FAM219A: variants seen among roughly 807,000 people sequenced by gnomAD.
FAM219A encodes protein FAM219A.
Under a neutral mutation model 23.4 loss-of-function variants are expected in FAM219A, and 7 were observed. The observed-to-expected ratio is 0.30, with a 90% CI of 0.17 to 0.56. The LOEUF (loss-of-function observed/expected upper bound fraction) is 0.56. FAM219A is among the 20% of genes least tolerant of loss of function. The pLI, the probability that FAM219A is intolerant of heterozygous loss-of-function variation, is 0.92. For synonymous variants in FAM219A, 93 were observed against 99.0 expected (o/e 0.94, Z 0.36); for missense variants, 166 against 246.9 (o/e 0.67, Z 2.20).
In FAM219A at chr9:34,399,852, T is replaced by C. The variant is rs1821357133; in HGVS notation, c.*1112A>G. The C allele has an allele frequency of 6.6e-6, 1 of 152,326 alleles. No homozygotes were observed. Among genetic ancestry groups the C allele is most frequent in the Admixed American group, 6.5e-5 (1 of 15,278 alleles). 9.4% of individuals were successfully genotyped at this position (152,326 alleles called of 1,614,324 possible). On this transcript the variant is annotated 3_prime_UTR_variant, in exon 6 of 6. Coordinates refer to ENST00000651358, the MANE Select transcript of FAM219A (RefSeq NM_001184940.2). ...AGCCCATTGCACTGCTGAGCCGCCT[T>C]CTGCACTGTAAACAGACCACACAGG...
Position 34,458,035 on chromosome 9 carries a change from C to T in FAM219A, c.60+169G>A, listed in dbSNP as rs1823818259. Among the ~76,000 whole-genome samples, 1 of 152,238 alleles carries T rather than the reference C, an allele frequency of 6.6e-6. No homozygotes were observed. Among genetic ancestry groups the T allele is most frequent in the Non-Finnish European group, 1.5e-5 (1 of 68,030 alleles). ...CTTTGCTCTCATCCAGCATATTCTC[C>T]CACGGTTTTCTTGTCCTGCAAGTCC... On this transcript the variant is annotated intron_variant, in intron 1 of 5. Coordinates refer to ENST00000651358, the MANE Select transcript of FAM219A (RefSeq NM_001184940.2). This position sits in a 1 kb window ranked among gnomAD's most constrained non-coding sequence, Gnocchi z 6.6.
intron 2 of FAM219A, 77 bp downstream of exon 2, chr9:34,405,788 G>A (rs1821610261): frequency 7.2e-7 from 1 of 1,388,590 alleles, no homozygotes. Flanking sequence ...TGGTTTATTT[G>A]TGGCACCTCA....
chr9:34,400,919 C>G lies in FAM219A; in HGVS notation c.*45G>C. On this transcript the variant is annotated 3_prime_UTR_variant, in exon 6 of 6. Transcript: ENST00000651358. Reference sequence around the variant, plus strand: ...GGGGTCGGCCTCTGCCCGTCCTACCCGGCCCTTGGCGGCCCCGCCCCGGCG... The same window carrying G: ...GGGGTCGGCCTCTGCCCGTCCTACCGGGCCCTTGGCGGCCCCGCCCCGGCG... The G allele has an allele frequency of 6.7e-7, 1 of 1,487,580 alleles. No individual in the cohort carries two copies. The allele number at this position is 1,487,580 out of a possible 1,614,324, so 92.1% of individuals were successfully genotyped here.
At chr9:34,447,118 T>C (rs1241778502) in intron 1 of FAM219A, among the ~76,000 whole-genome samples, 2 of 152,240 alleles carry the variant, frequency 1.3e-5, no homozygotes, top group Non-Finnish European at 2.9e-5. Flanking sequence ...AAGAGTCACA[T>C]GACACACATG....
At chr9:34,437,978 A>C (rs1445879737) in intron 1 of FAM219A, among the ~76,000 whole-genome samples, 1 of 152,158 alleles carries the variant, frequency 6.6e-6, no homozygotes, top group African/African-American at 2.4e-5. Context: ...GGCCACCTGG[A>C]GTTCCGAGTG....
At chr9:34,401,157 G>A (rs372495024) in intron 5 of FAM219A, 35 bp from the exon 6 acceptor site, 93 of 1,604,718 alleles carry the variant, frequency 5.8e-5, no homozygotes, top group Non-Finnish European at 7.2e-5. Flanking sequence ...AGGCCCGAGC[G>A]GCAGGGAGGC....
At chr9:34,434,526 A>G (rs1564011626) in intron 1 of FAM219A, among the ~76,000 whole-genome samples, 1 of 152,186 alleles carries the variant, frequency 6.6e-6, no homozygotes, top group Admixed American at 6.5e-5. Context: ...GAAGTCCCAT[A>G]TCCAGAACTG....
chr9:34,450,419 A>G (rs2132018726), intron 1 of FAM219A, among the ~76,000 whole-genome samples: 1 of 152,036 alleles, frequency 6.6e-6, no homozygotes. Flanking sequence ...AGTTAATTCA[A>G]TACATCTTTT....
At chr9:34,446,034 G>A (rs1373575353) in intron 1 of FAM219A, among the ~76,000 whole-genome samples, 1 of 152,080 alleles carries the variant, frequency 6.6e-6, no homozygotes, top group Non-Finnish European at 1.5e-5. Flanking sequence ...TTAGCTGGGT[G>A]TGGTGGTGTG....
intron 1 of FAM219A, among the ~76,000 whole-genome samples, chr9:34,455,449 A>G (rs962796333): frequency 6.7e-6 from 1 of 150,150 alleles, no homozygotes; most frequent in African/African-American, 2.5e-5. Flanking sequence ...CTTTACCTCT[A>G]TGATATGCTA....
At chr9:34,445,281 C>T (rs1823328040) in intron 1 of FAM219A, among the ~76,000 whole-genome samples, 1 of 152,212 alleles carries the variant, frequency 6.6e-6, no homozygotes, top group Non-Finnish European at 1.5e-5. Context: ...GAGGTAGAAG[C>T]TATCTTGTCA....
chr9:34,444,320 A>G (rs1388760502), intron 1 of FAM219A, among the ~76,000 whole-genome samples: 3 of 152,162 alleles, frequency 2.0e-5, no homozygotes, highest in Non-Finnish European at 4.4e-5. Context: ...TGCCTGATAC[A>G]CCAAGAACAG....
chr9:34,411,770 A>G (rs1291471635), intron 1 of FAM219A, among the ~76,000 whole-genome samples: 1 of 152,194 alleles, frequency 6.6e-6, no homozygotes, highest in Non-Finnish European at 1.5e-5. Flanking sequence ...ACCAAGAGCC[A>G]TATAAAAGTA....
intron 1 of FAM219A, among the ~76,000 whole-genome samples, chr9:34,448,629 C>T (rs1050840180): frequency 4.6e-5 from 7 of 152,192 alleles, no homozygotes; most frequent in African/African-American, 1.4e-4. Context: ...ATCCCCTAAT[C>T]GGGGAATCCA....
chr9:34,424,452 G>A (rs1258158608), intron 1 of FAM219A, among the ~76,000 whole-genome samples: 1 of 152,106 alleles, frequency 6.6e-6, no homozygotes, highest in African/African-American at 2.4e-5. Context: ...GTGGGCAAGG[G>A]GTGGGCTGAA....
rs192024767 is a variant in FAM219A, at chr9:34,419,667, G to T, written c.61-13703C>A. ...TTTGTCTGGGCCAGATTGACGTGTGGATTCTTGTCTGAATCTTGGCCCCAA... is the reference window on the plus strand; with the variant it reads ...TTTGTCTGGGCCAGATTGACGTGTGTATTCTTGTCTGAATCTTGGCCCCAA... On this transcript the variant is annotated intron_variant, in intron 1 of 5. Coordinates refer to ENST00000651358, the MANE Select transcript of FAM219A (RefSeq NM_001184940.2). 2.8e-4 allele frequency among the ~76,000 whole-genome samples: 43 copies of T among 152,288 alleles called. No homozygotes were observed. In the South Asian group the frequency reaches 5.2e-3, roughly 18 times the overall value.
rs1563993538 is a variant in FAM219A, at chr9:34,398,581, C to CTG, written c.*2381_*2382dup. The CTG allele has an allele frequency of 1.7e-6, 1 of 585,216 alleles. No homozygotes were observed. Among genetic ancestry groups the CTG allele is most frequent in the Non-Finnish European group, 3.0e-6 (1 of 329,322 alleles). The allele number at this position is 585,216 out of a possible 1,614,324, so 36.3% of individuals were successfully genotyped here. On this transcript the variant is annotated 3_prime_UTR_variant, in exon 6 of 6. Coordinates refer to ENST00000651358, the MANE Select transcript of FAM219A (RefSeq NM_001184940.2). Reference sequence around the variant, plus strand: ...TTGCCTGCCAGGGAACTAGTATGTCCTGTGGGGGGGGAGATTTTCCCTGGT... The same window carrying CTG: ...TTGCCTGCCAGGGAACTAGTATGTCCTGTGTGGGGGGGGAGATTTTCCCTGGT...
intron 1 of FAM219A, among the ~76,000 whole-genome samples, chr9:34,407,611 GA>G (rs1270624742): frequency 1.3e-5 from 2 of 152,206 alleles, no homozygotes; most frequent in African/African-American, 4.8e-5. Flanking sequence ...TTTGGGCTTG[GA>G]GTTAAAGACA....
intron 4 of FAM219A, among the ~76,000 whole-genome samples, chr9:34,401,972 CT>C (rs34584165): frequency 0.43 from 60,767 of 140,256 alleles, 12,288 homozygotes; most frequent in Middle Eastern, 0.57. Flanking sequence ...CCCTTCTCAT[CT>C]TTTTTTTTTT....
Sources: gnomAD v4.1 joint callset for allele counts (sites outside exome capture counted in the v4.1 genomes callset) on GRCh38, gnomAD v4.1.1 for gene constraint, Gnocchi (gnomAD v3.1) non-coding constraint, MANE v1.5 for transcripts, NCBI Gene and HGNC (gene_info 2026-07-23, HGNC 2026-07-21) for gene names.